The following RANBP17 variants were observed in gnomAD, a reference collection of about 807,000 sequenced individuals.
RANBP17 encodes ran-binding protein 17.
Under a neutral mutation model 141.2 loss-of-function variants are expected in RANBP17, and 158 were observed. That is an observed-to-expected ratio of 1.12 (90% CI 0.98 to 1.28). RANBP17 has a LOEUF of 1.28. Ranked by LOEUF, RANBP17 falls within the 50% of genes most tolerant of loss-of-function variation. The pLI is 0.00. For missense variants in RANBP17, 1,438 were observed against 1,290.7 expected, an observed-to-expected ratio of 1.11 and a Z score of -1.75; for synonymous variants, 430 against 450.0, an observed-to-expected ratio of 0.96 and a Z score of 0.56.
At chr5:170,945,295 G>C (rs185797728) in intron 12 of RANBP17, among the ~76,000 whole-genome samples, 13 of 152,294 alleles carry the variant, frequency 8.5e-5, no homozygotes, top group Admixed American at 7.8e-4. Flanking sequence ...AGCAGCATCT[G>C]ACGTAAGGCA....
intron 14 of RANBP17, among the ~76,000 whole-genome samples, chr5:171,119,562 A>G (rs1274489311): frequency 6.6e-6 from 1 of 152,204 alleles, no homozygotes; most frequent in Non-Finnish European, 1.5e-5. Context: ...CATCCTTGTC[A>G]TGGCTCAGAT....
At chr5:171,192,847 C>T (rs540602935) in intron 18 of RANBP17, among the ~76,000 whole-genome samples, 114 of 152,260 alleles carry the variant, frequency 7.5e-4, no homozygotes, top group African/African-American at 2.6e-3. Flanking sequence ...AATATCCTGA[C>T]CTGCCTGAAG....
At chr5:170,954,759 G>A (rs769917770) in intron 13 of RANBP17, among the ~76,000 whole-genome samples, 7 of 151,958 alleles carry the variant, frequency 4.6e-5, no homozygotes, top group Admixed American at 6.6e-5. Context: ...ATTAGAGTTC[G>A]TTCCTAAATG....
chr5:171,153,251 C>T (rs1310639070), intron 14 of RANBP17, among the ~76,000 whole-genome samples: 5 of 152,120 alleles, frequency 3.3e-5, no homozygotes, highest in African/African-American at 1.2e-4. Context: ...AGAGCAGCAT[C>T]TTATTAAGAA....
intron 15 of RANBP17, 45 bp downstream of exon 15, chr5:171,170,248 T>C: frequency 1.0e-6 from 1 of 1,004,264 alleles, no homozygotes; most frequent in Non-Finnish European, 1.5e-6. Context: ...GTTGTTGTTT[T>C]AAATGTAATA....
At position 170,878,196 on chromosome 5, in the gene RANBP17, A is replaced by G. The variant is rs1250017499; in HGVS notation, c.118A>G (p.Ser40Gly). 1.8e-5 allele frequency: 29 copies of G among 1,612,770 alleles called. No individual in the cohort carries two copies. The highest frequency in any genetic ancestry group is 2.5e-5 in the Non-Finnish European group (29 of 1,179,350). ...AEKALLELID[S>G]PECLSKCQLL... is the part of the protein sequence containing the mutation. ...GAAAGCACTCTTGGAACTTATTGAC[A>G]GTCCAGAATGTCTCAGCAAGTGTCA... is the stretch of plus-strand genomic sequence containing the variant. Residue 40 changes from serine (S) to glycine (G), a missense_variant, in exon 2 of 28, where the codon AGT becomes GGT. Ser to Gly is a moderately conservative substitution (Grantham distance 56). Transcript: ENST00000523189.
At chr5:170,967,459 G>T (rs1206667082) in intron 13 of RANBP17, among the ~76,000 whole-genome samples, 2 of 151,810 alleles carry the variant, frequency 1.3e-5, no homozygotes, top group East Asian at 3.9e-4. Flanking sequence ...TTAGCACAAG[G>T]TACTTGGCGG....
chr5:171,061,702 A>G (rs1409112458), intron 14 of RANBP17, among the ~76,000 whole-genome samples: 1 of 152,166 alleles, frequency 6.6e-6, no homozygotes, highest in Non-Finnish European at 1.5e-5. Context: ...AGCTCAGTTC[A>G]AATCCTGGGT....
At chr5:171,064,899 A>T (rs971106107) in intron 14 of RANBP17, among the ~76,000 whole-genome samples, 4 of 152,108 alleles carry the variant, frequency 2.6e-5, no homozygotes, top group Non-Finnish European at 5.9e-5. Flanking sequence ...ATTTATTAAG[A>T]ATGTAACTAT....
chr5:171,133,374 A>T (rs1171400340), intron 14 of RANBP17, among the ~76,000 whole-genome samples: 2 of 152,022 alleles, frequency 1.3e-5, no homozygotes, highest in East Asian at 3.9e-4. Flanking sequence ...AAGTTTCTAT[A>T]AAAAATGCCA....
chr5:170,892,736 T>TA (rs1371056308), intron 4 of RANBP17, among the ~76,000 whole-genome samples, 183 bp downstream of exon 4: 1 of 152,206 alleles, frequency 6.6e-6, no homozygotes, highest in East Asian at 1.9e-4. Context: ...TGCTGTTACA[T>TA]AATTTCCAAA....
chr5:171,006,387 A>C (rs1213723569), intron 14 of RANBP17, among the ~76,000 whole-genome samples: 1 of 152,242 alleles, frequency 6.6e-6, no homozygotes, highest in African/African-American at 2.4e-5. Context: ...AAAATGTGGC[A>C]CATATACACC....
intron 13 of RANBP17, among the ~76,000 whole-genome samples, chr5:170,964,538 C>G (rs1017564134): frequency 1.3e-5 from 2 of 152,074 alleles, no homozygotes; most frequent in Non-Finnish European, 2.9e-5. Flanking sequence ...CTAATGCTAT[C>G]CCTTCCACCT....
At chr5:170,994,128 A>G (rs1223156554) in intron 14 of RANBP17, among the ~76,000 whole-genome samples, 1 of 152,020 alleles carries the variant, frequency 6.6e-6, no homozygotes, top group Non-Finnish European at 1.5e-5. Flanking sequence ...TCTTTTATTA[A>G]GAAGCATCTC....
chr5:171,253,103 A>C (rs1273872096), intron 24 of RANBP17: 2 of 654,418 alleles, frequency 3.1e-6, no homozygotes, highest in Admixed American at 5.1e-5. Flanking sequence ...TGGGGGCAGT[A>C]GCACACTTTG....
intron 25 of RANBP17, among the ~76,000 whole-genome samples, chr5:171,275,614 G>A (rs1231442085): frequency 6.6e-6 from 1 of 152,126 alleles, no homozygotes; most frequent in African/African-American, 2.4e-5. Flanking sequence ...TGAAGAGTTT[G>A]ATTTTAAGAC....
intron 14 of RANBP17, among the ~76,000 whole-genome samples, chr5:171,142,502 C>G (rs141002127): frequency 6.4e-4 from 97 of 152,212 alleles, no homozygotes; most frequent in African/African-American, 2.3e-3. Context: ...ATTTTATACC[C>G]ATCACAAATA....
intron 12 of RANBP17, among the ~76,000 whole-genome samples, chr5:170,925,260 T>A (rs1454352242): frequency 1.3e-5 from 2 of 152,218 alleles, no homozygotes; most frequent in Admixed American, 6.5e-5. Flanking sequence ...CTTAAAAAAA[T>A]TTTTAGAAGA....
intron 14 of RANBP17, among the ~76,000 whole-genome samples, chr5:171,135,813 A>T (rs998005144): frequency 6.6e-6 from 1 of 152,180 alleles, no homozygotes; most frequent in Non-Finnish European, 1.5e-5. Context: ...GTCCTAGCTG[A>T]GGCAATTGCT....
Sources: gnomAD v4.1 joint callset for allele counts (sites outside exome capture counted in the v4.1 genomes callset) on GRCh38, gnomAD v4.1.1 for gene constraint, MANE v1.5 for transcripts, NCBI Gene and HGNC (gene_info 2026-07-23, HGNC 2026-07-21) for gene names.